RUNX2: variants seen among roughly 807,000 people sequenced by gnomAD.
RUNX2 encodes runt-related transcription factor 2.
A neutral mutation model predicts 51.7 loss-of-function variants in RUNX2; 10 were observed. The ratio of observed to expected loss-of-function variants is 0.19; its 90% CI spans 0.12 to 0.33. The LOEUF (loss-of-function observed/expected upper bound fraction) is 0.33. Ranked by LOEUF, RUNX2 falls within the 10% of genes least tolerant of loss-of-function variation. The probability of loss-of-function intolerance (pLI) is 1.00; values close to 1 mark genes in which losing one functional copy is unlikely to be tolerated. For missense variants in RUNX2, 562 were observed against 691.3 expected, an observed-to-expected ratio of 0.81 and a Z score of 2.10; for synonymous variants, 276 against 273.6, an observed-to-expected ratio of 1.01 and a Z score of -0.09.
At chr6:45,521,429 A>T (rs2150430328) in intron 7 of RUNX2, among the ~76,000 whole-genome samples, 1 of 152,370 alleles carries the variant, frequency 6.6e-6, no homozygotes, top group East Asian at 1.9e-4. Context: ...CTTGCTGCTA[A>T]CAGTTAGTAA....
rs147628358 is a variant in RUNX2 at position 45,405,727 on chromosome 6, C to T, written c.59-16866C>T. 7.5e-3 allele frequency among the ~76,000 whole-genome samples: 1,136 copies of T among 151,914 alleles called. 13 individuals are homozygous for T. The highest frequency in any genetic ancestry group is 0.026 in the African/African-American group (1,072 of 41,412). ...ACTTGAACCCAGGAGGCAGAGGTTGCAGTGAGCTGAGACTGTGCCACTGCA... is the reference window on the plus strand; with the variant it reads ...ACTTGAACCCAGGAGGCAGAGGTTGTAGTGAGCTGAGACTGTGCCACTGCA... On this transcript the variant is annotated intron_variant, in intron 2 of 8. Coordinates refer to ENST00000647337, the MANE Select transcript of RUNX2 (RefSeq NM_001024630.4).
intron 2 of RUNX2, among the ~76,000 whole-genome samples, chr6:45,348,117 T>C (rs968596888): frequency 1.3e-5 from 2 of 152,116 alleles, no homozygotes; most frequent in African/African-American, 2.4e-5. Context: ...AAGCAGCACC[T>C]TTCTCATTTC....
At chr6:45,422,352 T>G in intron 2 of RUNX2, 2 of 453,752 alleles carry the variant, frequency 4.4e-6, no homozygotes, top group Non-Finnish European at 7.8e-6. Context: ...GCCTCCCGGG[T>G]CTCCCTACCC....
intron 7 of RUNX2, among the ~76,000 whole-genome samples, chr6:45,520,020 T>C (rs1408586847): frequency 1.3e-5 from 2 of 151,970 alleles, no homozygotes; most frequent in African/African-American, 2.4e-5. Flanking sequence ...TTAGTAGTGA[T>C]GGGGTTCCAC....
chr6:45,408,796 A>G (rs142953073), intron 2 of RUNX2, among the ~76,000 whole-genome samples: 1 of 152,272 alleles, frequency 6.6e-6, no homozygotes, highest in Non-Finnish European at 1.5e-5. Context: ...TGGTGCCTCA[A>G]GTGAACACAC....
intron 2 of RUNX2, among the ~76,000 whole-genome samples, chr6:45,375,813 T>C (rs908581089): frequency 6.6e-6 from 1 of 151,586 alleles, no homozygotes; most frequent in Non-Finnish European, 1.5e-5. Flanking sequence ...TTTGACTTTA[T>C]ATACACTTGC....
At chr6:45,344,871 AC>A (rs1361421954) in intron 2 of RUNX2, among the ~76,000 whole-genome samples, 2 of 152,310 alleles carry the variant, frequency 1.3e-5, no homozygotes, top group Non-Finnish European at 2.9e-5. Flanking sequence ...AACTAATGGT[AC>A]AGAATTTTTA....
At chr6:45,483,351 CT>C (rs5875923) in intron 5 of RUNX2, among the ~76,000 whole-genome samples, 43,615 of 148,900 alleles carry the variant, frequency 0.29, 6,650 homozygotes, top group Non-Finnish European at 0.34. Context: ...CAATAACCAG[CT>C]TTTTTTTTTT....
chr6:45,545,624 T>G (rs1802377106), intron 8 of RUNX2, among the ~76,000 whole-genome samples: 1 of 152,204 alleles, frequency 6.6e-6, no homozygotes, highest in South Asian at 2.1e-4. Context: ...GTGCTTTCCT[T>G]TATAGCTAAA....
chr6:45,508,200 T>C (rs1278106252), intron 6 of RUNX2, among the ~76,000 whole-genome samples: 3 of 150,418 alleles, frequency 2.0e-5, no homozygotes, highest in African/African-American at 7.3e-5. Context: ...CATAACCCCA[T>C]ATGGCAGTTC....
At chr6:45,398,326 A>G (rs1270323644) in intron 2 of RUNX2, among the ~76,000 whole-genome samples, 1 of 152,178 alleles carries the variant, frequency 6.6e-6, no homozygotes, top group African/African-American at 2.4e-5. Flanking sequence ...AGCATGAGCT[A>G]TTATCATTGA....
chr6:45,507,463 A>C (rs749516141), intron 6 of RUNX2, among the ~76,000 whole-genome samples: 9 of 152,310 alleles, frequency 5.9e-5, no homozygotes, highest in Middle Eastern at 3.4e-3. Flanking sequence ...TGTTTATGAG[A>C]TCAGGTTAAG....
intron 2 of RUNX2, among the ~76,000 whole-genome samples, chr6:45,400,995 G>A (rs181854850): frequency 2.0e-5 from 3 of 152,210 alleles, no homozygotes; most frequent in African/African-American, 7.2e-5. Context: ...AATCTAGGTG[G>A]TAAGTATATG....
chr6:45,478,913 G>A (rs1034835211), intron 5 of RUNX2, among the ~76,000 whole-genome samples: 1 of 151,526 alleles, frequency 6.6e-6, no homozygotes. Context: ...ATTTTAAGAT[G>A]GAGTCTCTCT....
At position 45,408,771 on chromosome 6, in the gene RUNX2, G is replaced by A. The variant is rs79056110; in HGVS notation, c.59-13822G>A. Among the ~76,000 whole-genome samples, 423 of 152,230 alleles carry A rather than the reference G, an allele frequency of 2.8e-3. 3 individuals carry two copies. Among genetic ancestry groups the A allele is most frequent in the African/African-American group, 9.3e-3 (386 of 41,546 alleles). On this transcript the variant is annotated intron_variant, in intron 2 of 8. Transcript: ENST00000647337. ...GACAGAGTCAAGGTTTGAGCAACAG[G>A]ACTTGGCAGAAGGATGGTGCCTCAA...
At position 45,533,135 on chromosome 6, in the gene RUNX2, G is replaced by GGT. The variant is rs56014189; in HGVS notation, c.1022-12059_1022-12058dup. 8.9e-3 allele frequency among the ~76,000 whole-genome samples: 1,336 copies of GGT among 149,548 alleles called. 10 individuals carry two copies. Among genetic ancestry groups the GGT allele is most frequent in the Admixed American group, 0.02 (295 of 15,026 alleles). On this transcript the variant is annotated intron_variant, in intron 7 of 8. Coordinates refer to ENST00000647337, the MANE Select transcript of RUNX2 (RefSeq NM_001024630.4). ...ATTGAAGATGAAACCCCTCTGAAGG[G>GGT]GTGTGTGTGTGTGTGTGTGTGTGTT... is the stretch of plus-strand genomic sequence containing the variant.
chr6:45,411,389 CACTG>C (rs1380511488), intron 2 of RUNX2, among the ~76,000 whole-genome samples: 2 of 151,836 alleles, frequency 1.3e-5, no homozygotes, highest in Non-Finnish European at 1.5e-5. Context: ...GTAATTTTAA[CACTG>C]ACAATAAGAA....
At chr6:45,535,826 G>A (rs1006947086) in intron 7 of RUNX2, among the ~76,000 whole-genome samples, 4 of 151,990 alleles carry the variant, frequency 2.6e-5, no homozygotes, top group Admixed American at 1.3e-4. Context: ...GTAAACCCAG[G>A]CAGGAAGGTG....
intron 2 of RUNX2, among the ~76,000 whole-genome samples, chr6:45,407,640 A>G (rs1289230332): frequency 6.6e-6 from 1 of 151,806 alleles, no homozygotes; most frequent in Non-Finnish European, 1.5e-5. Context: ...CTACAGGAAC[A>G]TGCCAACCAA....
Sources: gnomAD v4.1 joint callset for allele counts (sites outside exome capture counted in the v4.1 genomes callset) on GRCh38, gnomAD v4.1.1 for gene constraint, MANE v1.5 for transcripts, NCBI Gene and HGNC (gene_info 2026-07-23, HGNC 2026-07-21) for gene names.